SELENOF: variants seen among roughly 807,000 people sequenced by gnomAD.
The protein encoded by SELENOF is selenoprotein F, also known as 15 kDa selenoprotein.
In SELENOF, 16 loss-of-function variants were observed where a neutral mutation model predicts 20.5. The ratio of observed to expected loss-of-function variants is 0.78; its 90% CI spans 0.53 to 1.19. The LOEUF (loss-of-function observed/expected upper bound fraction) is 1.19. Ranked by LOEUF, SELENOF falls within the 50% of genes most tolerant of loss-of-function variation. The probability of loss-of-function intolerance (pLI) is 0.00; values close to 1 mark genes in which losing one functional copy is unlikely to be tolerated. For synonymous variants in SELENOF, 78 were observed against 74.5 expected (o/e 1.05, Z -0.24); for missense variants, 215 against 194.2 (o/e 1.11, Z -0.64).
intron 3 of SELENOF, among the ~76,000 whole-genome samples, chr1:86,870,623 A>AT (rs201714324): frequency 0.27 from 39,638 of 148,578 alleles, 6,520 homozygotes; most frequent in African/African-American, 0.47. Flanking sequence ...TTATTAAAAT[A>AT]TTTTTTTTTT....
rs1000754485 is a variant in SELENOF, at chr1:86,887,172, C to G, written c.253-6447G>C. On this transcript the variant is annotated intron_variant, in intron 2 of 4. Coordinates refer to ENST00000331835, the MANE Select transcript of SELENOF (RefSeq NM_004261.5). ...CATACTCACTTTGAGTGATGGCATT[C>G]TTGCTTAGAAACAATGGATGAATAC... is the stretch of plus-strand genomic sequence containing the variant. The G allele has an allele frequency of 2.9e-5, 45 of 1,542,256 alleles. No homozygotes were observed. The African/African-American group carries it at 5.7e-4, about 19-fold the overall frequency.
At chr1:86,874,246 G>A (rs1452107058) in intron 3 of SELENOF, among the ~76,000 whole-genome samples, 4 of 152,054 alleles carry the variant, frequency 2.6e-5, no homozygotes, top group African/African-American at 9.7e-5. Context: ...TGGGAATACA[G>A]GCGTAAGCCA....
In SELENOF at chr1:86,885,061, T is replaced by G. The variant is rs906217167; in HGVS notation, c.253-4336A>C. 2.6e-5 allele frequency among the ~76,000 whole-genome samples: 4 copies of G among 152,320 alleles called. 1 individual carries two copies. The highest frequency in any genetic ancestry group is 2.6e-4 in the Admixed American group (4 of 15,296). ...AACAGGATTTTAAAATATGCGAATTTCCCATTTAAAAAGGTGATTTTTATT... is the reference window on the plus strand; with the variant it reads ...AACAGGATTTTAAAATATGCGAATTGCCCATTTAAAAAGGTGATTTTTATT... On this transcript the variant is annotated intron_variant, in intron 2 of 4. Coordinates refer to ENST00000331835, the MANE Select transcript of SELENOF (RefSeq NM_004261.5).
At chr1:86,892,260 G>A (rs1239341376) in intron 2 of SELENOF, among the ~76,000 whole-genome samples, 1 of 152,064 alleles carries the variant, frequency 6.6e-6, no homozygotes, top group Non-Finnish European at 1.5e-5. Flanking sequence ...TAGTATTACT[G>A]CTACTCAGGA....
At chr1:86,887,310 T>C in intron 2 of SELENOF, 1 of 1,216,056 alleles carries the variant, frequency 8.2e-7, no homozygotes, top group African/African-American at 1.6e-5. Context: ...GGAGTGCTTT[T>C]TACTAAATTC....
chr1:86,866,940 A>G (rs1287812650), intron 4 of SELENOF, among the ~76,000 whole-genome samples: 1 of 152,228 alleles, frequency 6.6e-6, no homozygotes. Context: ...ATGACCCAGC[A>G]ATTGCACTCA....
intron 3 of SELENOF, among the ~76,000 whole-genome samples, chr1:86,878,872 GTAT>G (rs1178958079): frequency 2.0e-5 from 3 of 151,910 alleles, no homozygotes; most frequent in African/African-American, 7.3e-5. Flanking sequence ...GAAAATACTG[GTAT>G]TATACATAAC....
chr1:86,913,531 T>A (rs773542566), intron 1 of SELENOF, among the ~76,000 whole-genome samples: 3 of 152,130 alleles, frequency 2.0e-5, no homozygotes, highest in Non-Finnish European at 4.4e-5. Flanking sequence ...CAGCCAGCCG[T>A]ATATGAATAG....
In SELENOF at chr1:86,867,490, T is replaced by TCAACAACAACAACAA. The variant is rs71082044; in HGVS notation, c.366+548_366+562dup. On this transcript the variant is annotated intron_variant, in intron 4 of 4. Coordinates refer to ENST00000331835, the MANE Select transcript of SELENOF (RefSeq NM_004261.5). ...CTGGGCAACAGAGCAAGACTCCGTCTCAACAACAACAACAACAACAACAAC... is the reference window on the plus strand; with the variant it reads ...CTGGGCAACAGAGCAAGACTCCGTCTCAACAACAACAACAACAACAACAACAACAACAACAACAAC... 4.9e-4 allele frequency among the ~76,000 whole-genome samples: 72 copies of TCAACAACAACAACAA among 147,808 alleles called. 2 individuals carry two copies. Among genetic ancestry groups the TCAACAACAACAACAA allele is most frequent in the African/African-American group, 1.5e-3 (60 of 39,782 alleles).
At chr1:86,908,315 C>A (rs1160906774) in intron 1 of SELENOF, among the ~76,000 whole-genome samples, 2 of 152,134 alleles carry the variant, frequency 1.3e-5, no homozygotes, top group Non-Finnish European at 2.9e-5. Flanking sequence ...AAAATGAATA[C>A]CAGAAACATG....
chr1:86,868,530 A>G (rs1279686347), intron 3 of SELENOF, among the ~76,000 whole-genome samples: 1 of 152,186 alleles, frequency 6.6e-6, no homozygotes, highest in Non-Finnish European at 1.5e-5. Context: ...GAATTTTTTA[A>G]TGTGCTAAAG....
At chr1:86,905,231 T>G (rs964970164) in intron 1 of SELENOF, among the ~76,000 whole-genome samples, 2 of 152,204 alleles carry the variant, frequency 1.3e-5, no homozygotes, top group Non-Finnish European at 2.9e-5. Flanking sequence ...AGCTCTCAAG[T>G]CTTTTCCTGC....
chr1:86,890,656 CTTTT>C (rs559873950), intron 2 of SELENOF, among the ~76,000 whole-genome samples: 1 of 140,790 alleles, frequency 7.1e-6, no homozygotes, highest in East Asian at 2.0e-4. Flanking sequence ...TCACACCCAG[CTTTT>C]TTTTTTTTTT....
chr1:86,883,657 C>T (rs890759580), intron 2 of SELENOF, among the ~76,000 whole-genome samples: 1 of 151,998 alleles, frequency 6.6e-6, no homozygotes, highest in Admixed American at 6.6e-5. Context: ...ATTCCACTAC[C>T]TTACCTAATA....
chr1:86,867,180 T>C (rs1357193288), intron 4 of SELENOF, among the ~76,000 whole-genome samples: 1 of 152,014 alleles, frequency 6.6e-6, no homozygotes, highest in Non-Finnish European at 1.5e-5. Context: ...GGCAAAATTA[T>C]AGAGATAATA....
chr1:86,913,629 T>G (rs879508349), intron 1 of SELENOF, among the ~76,000 whole-genome samples: 9 of 152,206 alleles, frequency 5.9e-5, no homozygotes, highest in Admixed American at 3.9e-4. Context: ...ACTGTTCGCC[T>G]GGACCAACGA....
chr1:86,869,303 TA>T (rs1280428258), intron 3 of SELENOF, among the ~76,000 whole-genome samples: 1 of 152,216 alleles, frequency 6.6e-6, no homozygotes, highest in East Asian at 1.9e-4. Context: ...AATTTGGAAA[TA>T]ATCTAAATGT....
chr1:86,890,575 G>A (rs779393126), intron 2 of SELENOF, among the ~76,000 whole-genome samples: 7 of 151,782 alleles, frequency 4.6e-5, no homozygotes. Flanking sequence ...CTGTAGCCTC[G>A]ACCTCCTAGG....
At chr1:86,899,930 C>T (rs1437122063) in intron 2 of SELENOF, among the ~76,000 whole-genome samples, 2 of 150,748 alleles carry the variant, frequency 1.3e-5, no homozygotes, top group Admixed American at 6.6e-5. Flanking sequence ...CGGGCAGAGG[C>T]GCTCCTCACA....
Sources: gnomAD v4.1 joint callset for allele counts (sites outside exome capture counted in the v4.1 genomes callset) on GRCh38, gnomAD v4.1.1 for gene constraint, MANE v1.5 for transcripts, NCBI Gene and HGNC (gene_info 2026-07-23, HGNC 2026-07-21) for gene names.